The following CHAC2 variants were observed in gnomAD, a reference collection of about 807,000 sequenced individuals.
CHAC2 encodes glutathione-specific gamma-glutamylcyclotransferase 2.
In CHAC2, 20 loss-of-function variants were observed where a neutral mutation model predicts 16.9. The observed-to-expected ratio is 1.18, with a 90% CI of 0.83 to 1.72. CHAC2 has a LOEUF of 1.72. CHAC2 is among the 40% of genes most tolerant of loss of function. The pLI is 0.00. For missense variants in CHAC2, 269 were observed against 222.2 expected (o/e 1.21, Z -1.34); for synonymous variants, 91 against 77.3 (o/e 1.18, Z -0.93).
Position 53,771,711 on chromosome 2 carries a change from G to T in CHAC2, c.136-196G>T, listed in dbSNP as rs117353814. On this transcript the variant is annotated intron_variant, in intron 1 of 2. Transcript: ENST00000295304. ...AAATTGATGGAAATCTTTTAGAAAG[G>T]CCAACACAGTCTCTAGATAAGGTAG... Among the ~76,000 whole-genome samples the T allele has an allele frequency of 1.8e-3, 278 of 152,062 alleles. 7 individuals carry two copies. The East Asian group carries it at 0.049, about 27-fold the overall frequency.
At chr2:53,771,835 A>G in intron 1 of CHAC2, 72 bp from the exon 2 acceptor site, 1 of 804,770 alleles carries the variant, frequency 1.2e-6, no homozygotes, top group South Asian at 1.5e-5. Context: ...CATGTCAAAA[A>G]TGTTGCTAAT....
At chr2:53,771,519 A>C (rs968713888) in intron 1 of CHAC2, among the ~76,000 whole-genome samples, 5 of 152,104 alleles carry the variant, frequency 3.3e-5, no homozygotes, top group Non-Finnish European at 7.4e-5. Flanking sequence ...GTCTCAAAAA[A>C]TAAATAAATA....
intron 2 of CHAC2, among the ~76,000 whole-genome samples, chr2:53,773,112 T>C (rs1310382486): frequency 6.6e-6 from 1 of 152,182 alleles, no homozygotes; most frequent in Non-Finnish European, 1.5e-5. Flanking sequence ...AATGCTTTCA[T>C]AATTGATACT....
Position 53,771,301 on chromosome 2 carries a change from G to T in CHAC2, c.136-606G>T, listed in dbSNP as rs114756493. Among the ~76,000 whole-genome samples, 937 of 152,202 alleles carry T rather than the reference G, an allele frequency of 6.2e-3. 9 individuals are homozygous for T. Among genetic ancestry groups the T allele is most frequent in the African/African-American group, 0.021 (892 of 41,522 alleles). ...AGGCCGAGACGGGTGGATTACCTAAGGTCAGGAGTTCCATACCAGCCTGGC... is the reference window on the plus strand; with the variant it reads ...AGGCCGAGACGGGTGGATTACCTAATGTCAGGAGTTCCATACCAGCCTGGC... On this transcript the variant is annotated intron_variant, in intron 1 of 2. Transcript: ENST00000295304.
At position 53,774,791 on chromosome 2, in the gene CHAC2, T is replaced by C; in HGVS notation, c.*266T>C. The C allele has an allele frequency of 3.5e-6, 1 of 286,454 alleles. No homozygotes were observed. The highest frequency in any genetic ancestry group is 6.4e-6 in the Non-Finnish European group (1 of 155,352). The allele number at this position is 286,454 out of a possible 1,614,324, so 17.7% of individuals were successfully genotyped here. On this transcript the variant is annotated 3_prime_UTR_variant, in exon 3 of 3. Transcript: ENST00000295304. ...TAGAAAAATACAGTGAAGGACTCAGTTCAGTCTTGTTTTTATCAGAGTGAT... is the reference window on the plus strand; with the variant it reads ...TAGAAAAATACAGTGAAGGACTCAGCTCAGTCTTGTTTTTATCAGAGTGAT...
chr2:53,774,107 T>C lies in CHAC2; in HGVS notation c.172-35T>C, dbSNP rs548342389. The C allele has an allele frequency of 3.2e-6, 5 of 1,546,392 alleles. No homozygotes were observed. In the South Asian group the frequency reaches 5.1e-5, roughly 16 times the overall value. On this transcript the variant is annotated intron_variant, in intron 2 of 2. Transcript: ENST00000295304. ...TTTCTTCACCTATTTTAATTAGCCT[T>C]ATAATACCAGTGTATTCTTTTCATT...
intron 1 of CHAC2, among the ~76,000 whole-genome samples, chr2:53,769,262 A>G (rs1673719744): frequency 1.3e-5 from 2 of 152,210 alleles, no homozygotes; most frequent in South Asian, 2.1e-4. Flanking sequence ...TCTGATCCCA[A>G]CACTTCGGAA....
At chr2:53,773,035 G>T (rs1674054553) in intron 2 of CHAC2, among the ~76,000 whole-genome samples, 1 of 152,088 alleles carries the variant, frequency 6.6e-6, no homozygotes, top group African/African-American at 2.4e-5. Context: ...TTTAACTTTG[G>T]AAAGGACTTT....
rs1674166009 is a variant in CHAC2, at chr2:53,774,239, C to T, written c.269C>T (p.Thr90Ile). 6.2e-6 allele frequency: 10 copies of T among 1,614,124 alleles called. No homozygotes were observed. Among genetic ancestry groups the T allele is most frequent in the South Asian group, 1.1e-5 (1 of 91,084 alleles). The stretch of plus-strand genomic sequence containing the variant: ...AGAGAAAAAGGAGGCTACAGAACCA[C>T]AACAGTCATTTTTTATCCAAAAGAT... The part of the protein sequence containing the change: ...DFREKGGYRT[T>I]TVIFYPKDPT... Residue 90 changes from threonine to isoleucine, a missense_variant, in exon 3 of 3, where the codon ACA (threonine) becomes ATA (isoleucine). Physicochemically the swap from Thr to Ile is moderately conservative, Grantham distance 89. Coordinates refer to ENST00000295304, the MANE Select transcript of CHAC2 (RefSeq NM_001008708.4).
chr2:53,768,304 G>A, intron 1 of CHAC2: 1 of 368,308 alleles, frequency 2.7e-6, no homozygotes, highest in Non-Finnish European at 4.9e-6. Context: ...TGAGTGCGGA[G>A]ATGGGGACTC....
intron 1 of CHAC2, 109 bp downstream of exon 1, chr2:53,768,130 CA>C (rs1204723098): frequency 2.4e-6 from 3 of 1,264,782 alleles, no homozygotes; most frequent in African/African-American, 2.9e-5. Flanking sequence ...TTCATGGGGC[CA>C]AAGCACATGG....
Position 53,767,996 on chromosome 2 carries a change from C to T in CHAC2, c.110C>T (p.Thr37Met), listed in dbSNP as rs1383545571. 3 of 1,611,322 alleles carry T rather than the reference C, an allele frequency of 1.9e-6. No individual in the cohort carries two copies. The highest frequency in any genetic ancestry group is 4.5e-5 in the East Asian group (2 of 44,874). Residue 37 changes from threonine to methionine, a missense_variant, in exon 1 of 3, where the codon ACG (threonine) becomes ATG (methionine). Transcript: ENST00000295304. ...NYSRRFWQGS[T>M]DHRGVPGKPG... is the part of the protein sequence containing the mutation. Reference sequence around the variant, plus strand: ...AGCAGGCGCTTCTGGCAGGGCAGCACGGACCACCGCGGGGTCCCCGGCAAG... The same window carrying T: ...AGCAGGCGCTTCTGGCAGGGCAGCATGGACCACCGCGGGGTCCCCGGCAAG...
Position 53,774,215 on chromosome 2 carries a change from GAGAAAAAGGAGGCTAC to G in CHAC2, c.250_265del (p.Lys84ProfsTer82). ...GAAGTAAAAGCATACCTTGACTTCA[GAGAAAAAGGAGGCTAC>G]AGAACCACAACAGTCATTTTTTATC... On this transcript the variant is annotated frameshift_variant, in exon 3 of 3. Coordinates refer to ENST00000295304, the MANE Select transcript of CHAC2 (RefSeq NM_001008708.4). LOFTEE classifies it high-confidence loss of function. 6.2e-7 allele frequency: 1 copy of G among 1,613,970 alleles called. No homozygotes were observed. Among genetic ancestry groups the G allele is most frequent in the Non-Finnish European group, 8.5e-7 (1 of 1,179,960 alleles).
chr2:53,768,032 G>A lies in CHAC2; in HGVS notation c.135+11G>A. On this transcript the variant is annotated intron_variant, in intron 1 of 2. Coordinates refer to ENST00000295304, the MANE Select transcript of CHAC2 (RefSeq NM_001008708.4). ...GGGGTCCCCGGCAAGGTGAGGCGCC[G>A]GTCAGCTCCCCACACTTACTGCCCC... is the stretch of plus-strand genomic sequence containing the variant. The A allele has an allele frequency of 5.0e-6, 8 of 1,612,230 alleles. No individual in the cohort carries two copies. The highest frequency in any genetic ancestry group is 2.2e-5 in the South Asian group (2 of 90,994).
intron 1 of CHAC2, among the ~76,000 whole-genome samples, chr2:53,770,116 T>C (rs1673790414): frequency 1.3e-5 from 2 of 152,172 alleles, no homozygotes; most frequent in South Asian, 4.1e-4. Flanking sequence ...TATATATATA[T>C]CCTCATTGTA....
chr2:53,771,806 AAATAT>A, intron 1 of CHAC2, 96 bp from the exon 2 acceptor site: 1 of 751,088 alleles, frequency 1.3e-6, no homozygotes, highest in East Asian at 2.5e-5. Context: ...TCTTATGAGC[AAATAT>A]AATTCAAATA....
Position 53,771,925 on chromosome 2 carries a change from CTT to C in CHAC2, c.155_156del (p.Leu52ArgfsTer2). 2 of 1,565,026 alleles carry C rather than the reference CTT, an allele frequency of 1.3e-6. No individual in the cohort carries two copies. Among genetic ancestry groups the C allele is most frequent in the Non-Finnish European group, 1.7e-6 (2 of 1,151,492 alleles). ...AAAACAGCCTGGAAGAGTTGTGACT[CTT>C]GTTGAAGATCCTGCGGTATGGTATA... ...VPGKPGRVVT[L>X]VEDPAGCVWG... On this transcript the variant is annotated frameshift_variant, in exon 2 of 3. Coordinates refer to ENST00000295304, the MANE Select transcript of CHAC2 (RefSeq NM_001008708.4). LOFTEE classifies it high-confidence loss of function.
In CHAC2 at chr2:53,774,471, G is replaced by A; in HGVS notation, c.501G>A (p.Leu167=). 6.3e-7 allele frequency: 1 copy of A among 1,587,310 alleles called. No homozygotes were observed. Among genetic ancestry groups the A allele is most frequent in the African/African-American group, 1.4e-5 (1 of 73,352 alleles). ...AAGCAGATGAGCATCTTTTCGCTTT[G>A]GAAAAATTAGTAAAGGAACGTTTAG... ...PEEADEHLFA[L]EKLVKERLEG... is the part of the protein sequence containing the mutation. Residue 167 remains leucine (L), a synonymous_variant, in exon 3 of 3, where the codon TTG becomes TTA. Transcript: ENST00000295304.
intron 1 of CHAC2, among the ~76,000 whole-genome samples, chr2:53,770,695 T>A (rs937413901): frequency 2.0e-5 from 3 of 152,052 alleles, no homozygotes; most frequent in Admixed American, 6.6e-5. Context: ...CAACCTCAAG[T>A]TGAATAGTAA....
Sources: gnomAD v4.1 joint callset for allele counts (sites outside exome capture counted in the v4.1 genomes callset) on GRCh38, gnomAD v4.1.1 for gene constraint, MANE v1.5 for transcripts, NCBI Gene and HGNC (gene_info 2026-07-23, HGNC 2026-07-21) for gene names.